The following ZNF782 variants were observed in gnomAD, a reference collection of about 807,000 sequenced individuals.
ZNF782 encodes the protein zinc finger protein 782.
Under a neutral mutation model 13.0 loss-of-function variants are expected in ZNF782, and 12 were observed. That is an observed-to-expected ratio of 0.92 (90% CI 0.59 to 1.50). The LOEUF is 1.50. Ranked by LOEUF, ZNF782 falls within the 40% of genes most tolerant of loss-of-function variation. The pLI is 0.00. For missense variants in ZNF782, 770 were observed against 822.9 expected (o/e 0.94, Z 0.79); for synonymous variants, 284 against 283.0 (o/e 1.00, Z -0.04).
At chr9:96,927,487 C>T in the ZNF782 span, among the ~76,000 whole-genome samples, 3,111 of 152,162 alleles carry the variant, frequency 0.02, 101 homozygotes, top group African/African-American at 0.071. Context: ...CTATTGTTTT[C>T]TGCAATGGTT....
At position 96,819,691 on chromosome 9, in the gene ZNF782, A is replaced by T. The variant is rs1725381347; in HGVS notation, c.332T>A (p.Leu111Ter). Residue 111 changes from leucine to a stop codon, truncating the protein, a stop_gained, in exon 6 of 6, where the codon TTG becomes TAG. Transcript: ENST00000481138. LOFTEE classifies it low-confidence loss of function (END_TRUNC). ...LLQVLFTNKL[L>*]TTEQEISGKP... ...TCCTGAAATTTCTTGCTCTGTAGTC[A>T]ATAATTTATTGGTGAATAAAACTTG... is the stretch of plus-strand genomic sequence containing the variant. 1 of 1,612,702 alleles carries T rather than the reference A, an allele frequency of 6.2e-7. No homozygotes were observed. The highest frequency in any genetic ancestry group is 1.7e-5 in the Admixed American group (1 of 59,698).
the ZNF782 span, among the ~76,000 whole-genome samples, chr9:96,904,792 GTTTTC>G: frequency 1.8e-5 from 2 of 113,932 alleles, no homozygotes; most frequent in Non-Finnish European, 3.1e-5. Flanking sequence ...ATTTTCTTCT[GTTTTC>G]TTTTTTAAAT....
At chr9:96,846,431 C>G (rs1851341956) in intron 3 of ZNF782, among the ~76,000 whole-genome samples, 1 of 152,102 alleles carries the variant, frequency 6.6e-6, no homozygotes, top group South Asian at 2.1e-4. Context: ...AACCAAATAT[C>G]TGCTGTCTTC....
upstream of ZNF782, among the ~76,000 whole-genome samples, chr9:96,855,663 G>T (rs192510372): frequency 2.3e-3 from 346 of 152,304 alleles, 3 homozygotes; most frequent in African/African-American, 7.8e-3. Context: ...TGATTGATGG[G>T]TATTTGGGTT....
intron 3 of ZNF782, among the ~76,000 whole-genome samples, chr9:96,849,919 G>A (rs1298936090): frequency 2.0e-5 from 3 of 151,920 alleles, no homozygotes; most frequent in African/African-American, 7.3e-5. Context: ...GCTCAACATC[G>A]CTAATCATCA....
At chr9:96,930,872 G>GTTTTTTTTTTTTTTTTTTTTT in the ZNF782 span, among the ~76,000 whole-genome samples, 10 of 72,726 alleles carry the variant, frequency 1.4e-4, 3 homozygotes, top group African/African-American at 2.8e-4. Context: ...CCATCCAGTG[G>GTTTTTTTTTTTTTTTTTTTTT]TTTTTTTTTT....
At chr9:96,907,694 G>A in the ZNF782 span, among the ~76,000 whole-genome samples, 1 of 151,564 alleles carries the variant, frequency 6.6e-6, no homozygotes, top group Non-Finnish European at 1.5e-5. Flanking sequence ...AGGCTAGAGT[G>A]CAATGGCATA....
chr9:96,829,446 T>C (rs10979212), intron 4 of ZNF782, among the ~76,000 whole-genome samples: 28,898 of 152,102 alleles, frequency 0.19, 6,800 homozygotes, highest in African/African-American at 0.55. Flanking sequence ...GTTTTTCCAT[T>C]TTATAACACT....
At position 96,818,270 on chromosome 9, in the gene ZNF782, T is replaced by C; in HGVS notation, c.1753A>G (p.Thr585Ala). ...SNLRVHHRTH[T>A]GEKPYQCEEC... ...TCACATTGATAGGGTTTCTCCCCAGTATGAGTTCTGTGATGTACTCTGAGG... is the reference window on the plus strand; with the variant it reads ...TCACATTGATAGGGTTTCTCCCCAGCATGAGTTCTGTGATGTACTCTGAGG... The change falls in exon 6 of 6, where the codon ACT (threonine) becomes GCT (alanine). Residue 585 changes from threonine to alanine, a missense_variant. Physicochemically the swap from Thr to Ala is moderately conservative, Grantham distance 58. Coordinates refer to ENST00000481138, the MANE Select transcript of ZNF782 (RefSeq NM_001001662.3). The C allele has an allele frequency of 1.2e-6, 2 of 1,614,072 alleles. No homozygotes were observed. The highest frequency in any genetic ancestry group is 2.7e-5 in the African/African-American group (2 of 75,004).
At chr9:96,861,969 A>G (rs1385538880) in intron 1 of ZNF782, among the ~76,000 whole-genome samples, 2 of 152,254 alleles carry the variant, frequency 1.3e-5, no homozygotes, top group Admixed American at 1.3e-4. Context: ...TCTCATGGAT[A>G]TTGCAGCACT....
In ZNF782 at chr9:96,817,991, T is replaced by C; in HGVS notation, c.2032A>G (p.Lys678Glu). The C allele has an allele frequency of 6.2e-7, 1 of 1,608,890 alleles. No homozygotes were observed. Among genetic ancestry groups the C allele is most frequent in the South Asian group, 1.1e-5 (1 of 89,880 alleles). The change falls in exon 6 of 6, where the codon AAA (lysine) becomes GAA (glutamate). Residue 678 changes from lysine (K) to glutamate (E), a missense_variant. Lys to Glu is a moderately conservative substitution (Grantham distance 56). Transcript: ENST00000481138. ...HTGEKPYKCD[K>E]CGRTFSQKSS... is the part of the protein sequence containing the mutation. ...TTTTGACTGAAAGTTCTCCCACATT[T>C]ATCACATTTATAGGGTTTCTCCCCT...
upstream of ZNF782, among the ~76,000 whole-genome samples, chr9:96,879,580 T>G (rs965783998): frequency 6.6e-6 from 1 of 151,960 alleles, no homozygotes; most frequent in African/African-American, 2.4e-5. Context: ...CTGGGCAGAG[T>G]TGGTGAGACG....
chr9:96,929,198 T>C, the ZNF782 span, among the ~76,000 whole-genome samples: 1 of 152,158 alleles, frequency 6.6e-6, no homozygotes, highest in Non-Finnish European at 1.5e-5. Flanking sequence ...CATGGCACCC[T>C]GAGTCTGTGG....
the ZNF782 span, among the ~76,000 whole-genome samples, chr9:96,905,489 A>T: frequency 1.3e-5 from 2 of 151,738 alleles, no homozygotes; most frequent in Non-Finnish European, 2.9e-5. Flanking sequence ...CTTGTTTAGC[A>T]TATCATCAAG....
the ZNF782 span, among the ~76,000 whole-genome samples, chr9:96,911,861 G>T: frequency 6.6e-6 from 1 of 151,866 alleles, no homozygotes; most frequent in African/African-American, 2.4e-5. Context: ...TAACTTTTTT[G>T]TGTATGTACT....
intron 1 of ZNF782, among the ~76,000 whole-genome samples, chr9:96,867,436 C>T (rs1295547455): frequency 1.3e-5 from 2 of 152,130 alleles, no homozygotes; most frequent in African/African-American, 4.8e-5. Flanking sequence ...ATCCAGTAAA[C>T]CTCTTTCTTT....
Position 96,819,489 on chromosome 9 carries a change from G to A in ZNF782, c.534C>T (p.Gly178=), listed in dbSNP as rs1328549773. The A allele has an allele frequency of 1.6e-5, 26 of 1,613,690 alleles. No individual in the cohort carries two copies. The highest frequency in any genetic ancestry group is 2.0e-5 in the Non-Finnish European group (24 of 1,179,964). ...CDKWLISIKD[G]RTNTQEKSFA... ...AAGATTTCTCTTGAGTGTTAGTTCT[G>A]CCATCCTTAATACTGATGAGCCATT... The change falls in exon 6 of 6, where the codon GGC becomes GGT. Residue 178 remains glycine, a synonymous_variant. Transcript: ENST00000481138.
chr9:96,926,464 T>G, the ZNF782 span, among the ~76,000 whole-genome samples: 2 of 152,218 alleles, frequency 1.3e-5, no homozygotes, highest in Non-Finnish European at 2.9e-5. Context: ...CGAGGTAGAG[T>G]TGCACAGCAG....
chr9:96,840,587 T>A (rs1025826458), intron 4 of ZNF782, among the ~76,000 whole-genome samples: 2 of 152,070 alleles, frequency 1.3e-5, no homozygotes, highest in Non-Finnish European at 2.9e-5. Context: ...AGAACTGCAC[T>A]GGTGTCTATC....
Sources: allele counts gnomAD v4.1 joint callset (sites outside exome capture counted in the v4.1 genomes callset), GRCh38; gene constraint gnomAD v4.1.1; transcripts MANE v1.5; gene names NCBI Gene and HGNC (gene_info 2026-07-23, HGNC 2026-07-21).